Variants in OTOGL observed in about 807,000 individuals in gnomAD.
The protein encoded by OTOGL is otogelin like.
In OTOGL, 285 loss-of-function variants were observed where a neutral mutation model predicts 318.5. That is an observed-to-expected ratio of 0.89 (90% confidence interval 0.81 to 0.99). The LOEUF (loss-of-function observed/expected upper bound fraction) is 0.99. OTOGL is among the 50% of genes least tolerant of loss of function. The pLI, the probability that OTOGL is intolerant of heterozygous loss-of-function variation, is 0.00. For missense variants in OTOGL, 2,899 were observed against 2,845.6 expected (o/e 1.02, Z -0.43); for synonymous variants, 987 against 936.5 (o/e 1.05, Z -0.99).
rs553056652 is a variant in OTOGL at position 80,372,060 on chromosome 12, G to T, written c.6777G>T (p.Lys2259Asn). 4 of 1,549,568 alleles carry T rather than the reference G, an allele frequency of 2.6e-6. No individual in the cohort carries two copies. In the African/African-American group the frequency reaches 4.1e-5, roughly 16 times the overall value. The change falls in exon 57 of 59, where the codon AAG (lysine) becomes AAT (asparagine). Residue 2259 changes from lysine to asparagine, a missense_variant. Coordinates refer to ENST00000547103, the MANE Select transcript of OTOGL (RefSeq NM_001378609.3). ...AGCTTTATAATGAAGGCTGTTGCAA[G>T]ATCTGTAAGTGAGAGCATATTCCAT... Reference protein sequence around the residue: ...IVKLYNEGCCKICKREERICQ... With the variant: ...IVKLYNEGCCNICKREERICQ...
chr12:80,182,895 T>G (rs1875025631), intron 1 of OTOGL, among the ~76,000 whole-genome samples: 1 of 152,158 alleles, frequency 6.6e-6, no homozygotes, highest in South Asian at 2.1e-4. Flanking sequence ...AATGCATGAA[T>G]AGCTTAGAGA....
At chr12:80,294,411 T>C (rs1352997014) in intron 26 of OTOGL, among the ~76,000 whole-genome samples, 1 of 152,148 alleles carries the variant, frequency 6.6e-6, no homozygotes, top group Non-Finnish European at 1.5e-5. Context: ...CATCCCTTAG[T>C]CTAAATAACT....
intron 9 of OTOGL, among the ~76,000 whole-genome samples, chr12:80,235,505 G>A (rs1000192399): frequency 4.7e-5 from 7 of 150,190 alleles, no homozygotes; most frequent in East Asian, 2.0e-4. Context: ...ACTGCTTTGG[G>A]CAACTTCTCC....
At chr12:80,297,385 G>A (rs904968838) in intron 27 of OTOGL, among the ~76,000 whole-genome samples, 1 of 149,582 alleles carries the variant, frequency 6.7e-6, no homozygotes, top group Non-Finnish European at 1.5e-5. Flanking sequence ...AGGCTGGAGT[G>A]CAGTGGCACG....
At chr12:80,170,805 C>T (rs1874157549) in intron 1 of OTOGL, among the ~76,000 whole-genome samples, 1 of 152,080 alleles carries the variant, frequency 6.6e-6, no homozygotes, top group Admixed American at 6.6e-5. Context: ...ATATATTTTT[C>T]TCCCAGTCAA....
intron 1 of OTOGL, among the ~76,000 whole-genome samples, chr12:80,167,985 T>C (rs1169771052): frequency 6.6e-6 from 1 of 151,924 alleles, no homozygotes; most frequent in Non-Finnish European, 1.5e-5. Flanking sequence ...TCTCTTCTCC[T>C]CTCTTCTCTT....
chr12:80,234,762 A>G (rs1329976158), intron 9 of OTOGL, among the ~76,000 whole-genome samples: 3 of 152,180 alleles, frequency 2.0e-5, no homozygotes, highest in African/African-American at 7.2e-5. Flanking sequence ...TTTGCTCAAG[A>G]TAGATAATGC....
chr12:80,225,419 G>C (rs955843479), intron 7 of OTOGL, among the ~76,000 whole-genome samples: 11 of 152,002 alleles, frequency 7.2e-5, no homozygotes, highest in African/African-American at 2.7e-4. Flanking sequence ...ACTTGGCCTT[G>C]TTTTGAGTAG....
chr12:80,270,544 A>G (rs905699050), intron 23 of OTOGL, among the ~76,000 whole-genome samples: 1 of 152,146 alleles, frequency 6.6e-6, no homozygotes, highest in Admixed American at 6.6e-5. Flanking sequence ...TAGTGTGCAC[A>G]TATGGGGATC....
At chr12:80,147,714 A>T (rs1338762816) in intron 1 of OTOGL, among the ~76,000 whole-genome samples, 1 of 152,036 alleles carries the variant, frequency 6.6e-6, no homozygotes, top group Non-Finnish European at 1.5e-5. Context: ...GTCACTCAGG[A>T]CCTGCTTTAT....
chr12:80,186,062 G>A (rs199703123), intron 1 of OTOGL, among the ~76,000 whole-genome samples: 2 of 151,678 alleles, frequency 1.3e-5, no homozygotes, highest in South Asian at 2.1e-4. Context: ...CTTTTCCAAG[G>A]GTGTCCTTAA....
chr12:80,115,150 T>C (rs999116817), intron 1 of OTOGL, among the ~76,000 whole-genome samples: 6 of 151,844 alleles, frequency 4.0e-5, no homozygotes, highest in Non-Finnish European at 7.4e-5. Flanking sequence ...TGGTGAGGAG[T>C]TGTTATCCTT....
chr12:80,369,546 A>G (rs904654648), intron 55 of OTOGL, among the ~76,000 whole-genome samples: 1 of 152,068 alleles, frequency 6.6e-6, no homozygotes, highest in Non-Finnish European at 1.5e-5. Flanking sequence ...AATCATGAAT[A>G]GTAGTAAGAA....
chr12:80,345,131 TATA>T (rs1282503561), intron 44 of OTOGL, among the ~76,000 whole-genome samples: 2 of 135,688 alleles, frequency 1.5e-5, no homozygotes, highest in East Asian at 2.0e-4. Flanking sequence ...TGTTATATAT[TATA>T]ATATATATTA....
At chr12:80,253,378 C>A in intron 13 of OTOGL, 88 bp from the exon 14 acceptor site, 1 of 1,234,562 alleles carries the variant, frequency 8.1e-7, no homozygotes, top group Non-Finnish European at 1.2e-6. Flanking sequence ...CGTAGGTATT[C>A]AACAGAAGTT....
intron 34 of OTOGL, among the ~76,000 whole-genome samples, chr12:80,321,521 C>T (rs987808892): frequency 6.6e-6 from 1 of 151,984 alleles, no homozygotes; most frequent in African/African-American, 2.4e-5. Flanking sequence ...CACATGTATA[C>T]ATATGTAACA....
intron 1 of OTOGL, among the ~76,000 whole-genome samples, chr12:80,119,845 A>G (rs1300266209): frequency 6.6e-6 from 1 of 152,178 alleles, no homozygotes; most frequent in Non-Finnish European, 1.5e-5. Context: ...CACTCTACTC[A>G]TATGATGTAA....
intron 17 of OTOGL, among the ~76,000 whole-genome samples, chr12:80,257,400 T>TAA (rs1882152129): frequency 6.6e-6 from 1 of 151,594 alleles, no homozygotes. Context: ...TAGGATGTTA[T>TAA]AAAAGTAGGG....
intron 37 of OTOGL, among the ~76,000 whole-genome samples, chr12:80,329,560 G>A (rs1310441503): frequency 6.6e-6 from 1 of 152,110 alleles, no homozygotes; most frequent in Non-Finnish European, 1.5e-5. Context: ...CATAAATCAG[G>A]GTTTTCTTTA....
Sources: gnomAD v4.1 joint callset for allele counts (sites outside exome capture counted in the v4.1 genomes callset) on GRCh38, gnomAD v4.1.1 for gene constraint, MANE v1.5 for transcripts, NCBI Gene and HGNC (gene_info 2026-07-23, HGNC 2026-07-21) for gene names.